Variants in CFAP299 observed in about 807,000 individuals in gnomAD.
CFAP299 encodes cilia and flagella associated protein 299.
Under a neutral mutation model 27.0 loss-of-function variants are expected in CFAP299, and 21 were observed. The observed-to-expected ratio is 0.78, with a 90% CI of 0.55 to 1.12. The LOEUF (loss-of-function observed/expected upper bound fraction) is 1.12, where lower values mean the gene tolerates loss of function less well. CFAP299 is among the 50% of genes most tolerant of loss of function. CFAP299 has a pLI of 0.00. For missense variants in CFAP299, 310 were observed against 276.6 expected, an observed-to-expected ratio of 1.12 and a Z score of -0.86; for synonymous variants, 104 against 98.1, an observed-to-expected ratio of 1.06 and a Z score of -0.36.
intron 2 of CFAP299, among the ~76,000 whole-genome samples, chr4:80,577,560 C>T (rs909204296): frequency 1.4e-4 from 21 of 151,722 alleles, no homozygotes; most frequent in African/African-American, 4.6e-4. Flanking sequence ...ATGCCACCAC[C>T]GCCAGCTAAT....
At chr4:80,422,827 A>G (rs1337251444) in intron 2 of CFAP299, among the ~76,000 whole-genome samples, 1 of 152,158 alleles carries the variant, frequency 6.6e-6, no homozygotes, top group Non-Finnish European at 1.5e-5. Flanking sequence ...TTGCTTAATG[A>G]TAGGGATACA....
At position 80,385,609 on chromosome 4, in the gene CFAP299, A is replaced by G. The variant is rs535090991; in HGVS notation, c.242+22725A>G. ...GTGAAGTGACTTGCCCGAGGTCACA[A>G]GGCAAGTGCATGTCAACTCTTGGAA... On this transcript the variant is annotated intron_variant, in intron 2 of 5. Transcript: ENST00000358105. 7.0e-4 allele frequency among the ~76,000 whole-genome samples: 106 copies of G among 152,310 alleles called. 1 individual carries two copies. Among genetic ancestry groups the G allele is most frequent in the Middle Eastern group, 6.8e-3 (2 of 294 alleles).
At chr4:80,818,211 C>T (rs757661227) in intron 3 of CFAP299, among the ~76,000 whole-genome samples, 12 of 152,134 alleles carry the variant, frequency 7.9e-5, no homozygotes, top group Non-Finnish European at 1.3e-4. Flanking sequence ...CATAGTATTC[C>T]GTGGTGTATA....
chr4:80,415,629 G>A (rs1726962512), intron 2 of CFAP299, among the ~76,000 whole-genome samples: 1 of 152,034 alleles, frequency 6.6e-6, no homozygotes. Flanking sequence ...ATATATTTAT[G>A]CTATAGACAT....
the CFAP299 span, among the ~76,000 whole-genome samples, chr4:80,328,939 T>C: frequency 6.6e-6 from 1 of 152,062 alleles, no homozygotes; most frequent in East Asian, 1.9e-4. Flanking sequence ...TAGAATCAAC[T>C]TTTTTCTCAT....
intron 3 of CFAP299, among the ~76,000 whole-genome samples, chr4:80,827,343 A>G (rs560684865): frequency 3.9e-5 from 6 of 151,986 alleles, no homozygotes; most frequent in Middle Eastern, 6.8e-3. Context: ...ACAGCACATT[A>G]CAATGATTAT....
intron 2 of CFAP299, among the ~76,000 whole-genome samples, chr4:80,391,904 C>G (rs1317911072): frequency 1.3e-5 from 2 of 152,230 alleles, no homozygotes; most frequent in Non-Finnish European, 2.9e-5. Flanking sequence ...CAAAAAGCCA[C>G]AGCGGTGGAG....
intron 2 of CFAP299, among the ~76,000 whole-genome samples, chr4:80,566,292 T>C (rs1735280531): frequency 6.6e-6 from 1 of 152,038 alleles, no homozygotes; most frequent in African/African-American, 2.4e-5. Context: ...TTTTTTTAAG[T>C]ATCTTTCTTC....
At chr4:80,558,358 G>GTTT (rs1174909337) in intron 2 of CFAP299, among the ~76,000 whole-genome samples, 33 of 121,670 alleles carry the variant, frequency 2.7e-4, no homozygotes, top group African/African-American at 9.3e-4. Flanking sequence ...TTGTTTGTTT[G>GTTT]TTTGTTTGTT....
intron 2 of CFAP299, among the ~76,000 whole-genome samples, chr4:80,415,669 G>A (rs1214530161): frequency 2.0e-5 from 3 of 151,964 alleles, no homozygotes; most frequent in Admixed American, 1.3e-4. Flanking sequence ...TTCATCAATA[G>A]ATATAAATTC....
Position 80,870,086 on chromosome 4 carries a change from G to A in CFAP299, c.427G>A (p.Val143Ile). The A allele has an allele frequency of 1.2e-6, 2 of 1,613,662 alleles. No homozygotes were observed. The highest frequency in any genetic ancestry group is 1.7e-6 in the Non-Finnish European group (2 of 1,179,766). Residue 143 changes from valine (V) to isoleucine (I), a missense_variant, in exon 4 of 6, where the codon GTC becomes ATC. Val to Ile is a conservative substitution (Grantham distance 29). Transcript: ENST00000358105. ...AHRLKTEDFE[V>I]YFTGKKRLLP... ...CAGGCTAAAGACGGAAGATTTTGAA[G>A]TCTACTTTACTGGAAAAAAAAGACT... is the stretch of plus-strand genomic sequence containing the variant.
At chr4:80,572,232 A>G (rs771026185) in intron 2 of CFAP299, among the ~76,000 whole-genome samples, 2 of 151,940 alleles carry the variant, frequency 1.3e-5, no homozygotes, top group African/African-American at 2.4e-5. Flanking sequence ...AGTACTGTTG[A>G]CTGTAGTCAC....
intron 4 of CFAP299, among the ~76,000 whole-genome samples, chr4:80,922,478 G>C (rs957904105): frequency 2.0e-5 from 3 of 151,946 alleles, no homozygotes; most frequent in Non-Finnish European, 4.4e-5. Context: ...AATTATTGCT[G>C]TCCCAGATAA....
intron 1 of CFAP299, among the ~76,000 whole-genome samples, chr4:80,347,009 C>G (rs1165778028): frequency 6.6e-6 from 1 of 151,906 alleles, no homozygotes; most frequent in Admixed American, 6.6e-5. Flanking sequence ...AGTTGCATTC[C>G]TAGGTATTTT....
chr4:80,502,604 T>C (rs918142051), intron 2 of CFAP299, among the ~76,000 whole-genome samples: 1 of 152,114 alleles, frequency 6.6e-6, no homozygotes, highest in Non-Finnish European at 1.5e-5. Flanking sequence ...ATCTCCTTGA[T>C]ATTATCACAG....
At chr4:80,722,417 CA>C (rs549576773) in intron 3 of CFAP299, among the ~76,000 whole-genome samples, 13,656 of 109,154 alleles carry the variant, frequency 0.13, 705 homozygotes, top group African/African-American at 0.17. Context: ...AACTCCATCT[CA>C]AAAAAAAAAA....
chr4:80,710,072 T>C (rs573907877), intron 3 of CFAP299, among the ~76,000 whole-genome samples: 71 of 152,234 alleles, frequency 4.7e-4, no homozygotes, highest in African/African-American at 1.6e-3. Flanking sequence ...AAAGAAAATA[T>C]GTAGAATTAG....
At chr4:80,446,822 A>C (rs1181636346) in intron 2 of CFAP299, among the ~76,000 whole-genome samples, 3 of 152,246 alleles carry the variant, frequency 2.0e-5, no homozygotes, top group African/African-American at 4.8e-5. Context: ...CCAGAAATTT[A>C]ATAATAGTTT....
chr4:80,727,802 T>C (rs1270389409), intron 3 of CFAP299, among the ~76,000 whole-genome samples: 1 of 151,932 alleles, frequency 6.6e-6, no homozygotes, highest in African/African-American at 2.4e-5. Flanking sequence ...GAGATTTCTG[T>C]CCATTGACAA....
Sources: gnomAD v4.1 joint callset for allele counts (sites outside exome capture counted in the v4.1 genomes callset) on GRCh38, gnomAD v4.1.1 for gene constraint, MANE v1.5 for transcripts, NCBI Gene and HGNC (gene_info 2026-07-23, HGNC 2026-07-21) for gene names.